ORC4: variants seen among roughly 807,000 people sequenced by gnomAD.
The protein encoded by ORC4 is origin recognition complex subunit 4.
Under a neutral mutation model 63.9 loss-of-function variants are expected in ORC4, and 55 were observed. That is an observed-to-expected ratio of 0.86 (90% CI 0.69 to 1.08). ORC4 has a LOEUF of 1.08. Ranked by LOEUF, ORC4 falls within the 50% of genes least tolerant of loss-of-function variation. ORC4 has a pLI of 0.00. For missense variants in ORC4, 511 were observed against 504.4 expected (o/e 1.01, Z -0.13); for synonymous variants, 150 against 168.5 (o/e 0.89, Z 0.85).
chr2:147,977,008 T>G (rs1457075752), intron 1 of ORC4, among the ~76,000 whole-genome samples: 1 of 152,196 alleles, frequency 6.6e-6, no homozygotes, highest in Non-Finnish European at 1.5e-5. Flanking sequence ...GGAATAAATT[T>G]TAACAGATAG....
intron 1 of ORC4, among the ~76,000 whole-genome samples, chr2:147,983,339 T>C: frequency 6.6e-6 from 1 of 152,324 alleles, no homozygotes; most frequent in East Asian, 1.9e-4. Flanking sequence ...ATGGGGTTAA[T>C]GAATTAGTTC....
At chr2:147,992,968 TG>T (rs1208414109) in intron 1 of ORC4, among the ~76,000 whole-genome samples, 1 of 152,212 alleles carries the variant, frequency 6.6e-6, no homozygotes, top group Non-Finnish European at 1.5e-5. Context: ...CTATTCTGTT[TG>T]ATTGTAGGTC....
chr2:148,012,314 A>G (rs1024886977), intron 1 of ORC4, among the ~76,000 whole-genome samples: 1 of 152,206 alleles, frequency 6.6e-6, no homozygotes, highest in African/African-American at 2.4e-5. Flanking sequence ...AAAGCCAATT[A>G]GTTTTTTACT....
chr2:147,944,797 A>G (rs2105276486), intron 9 of ORC4, among the ~76,000 whole-genome samples: 1 of 152,052 alleles, frequency 6.6e-6, no homozygotes, highest in South Asian at 2.1e-4. Context: ...CAGATTCAGA[A>G]GTAAGTTCTA....
chr2:148,001,209 T>C (rs956993842), intron 1 of ORC4, among the ~76,000 whole-genome samples: 3 of 152,136 alleles, frequency 2.0e-5, no homozygotes, highest in Non-Finnish European at 2.9e-5. Flanking sequence ...AAGTAAGAAC[T>C]GTTTTTAATC....
At chr2:147,951,288 T>TG (rs1206177247) in intron 8 of ORC4, among the ~76,000 whole-genome samples, 2 of 152,152 alleles carry the variant, frequency 1.3e-5, no homozygotes, top group African/African-American at 4.8e-5. Context: ...AAGAAAGCTA[T>TG]GGAGGCATGG....
chr2:147,953,227 C>A (rs1035425403), intron 7 of ORC4, among the ~76,000 whole-genome samples: 1 of 151,408 alleles, frequency 6.6e-6, no homozygotes, highest in Non-Finnish European at 1.5e-5. Context: ...ATCTCTTGAA[C>A]TGCGGAGGCA....
intron 1 of ORC4, among the ~76,000 whole-genome samples, chr2:148,001,198 GAAGT>G (rs1692281778): frequency 1.3e-5 from 2 of 152,090 alleles, no homozygotes; most frequent in African/African-American, 2.4e-5. Flanking sequence ...CTGTGACAAA[GAAGT>G]AAGAACTGTT....
chr2:148,020,599 CA>C (rs1463285547), intron 1 of ORC4, 33 bp downstream of exon 1: 2 of 152,376 alleles, frequency 1.3e-5, no homozygotes, highest in Non-Finnish European at 2.9e-5. Flanking sequence ...AGTTTACCCC[CA>C]CCATTACCTC....
intron 1 of ORC4, among the ~76,000 whole-genome samples, chr2:147,995,119 T>C (rs1420196078): frequency 6.6e-6 from 1 of 151,052 alleles, no homozygotes; most frequent in Non-Finnish European, 1.5e-5. Flanking sequence ...TCTAAAGGAC[T>C]GTAAATGCAC....
At chr2:147,950,233 T>G (rs1688876814) in intron 8 of ORC4, among the ~76,000 whole-genome samples, 2 of 152,124 alleles carry the variant, frequency 1.3e-5, no homozygotes, top group South Asian at 4.1e-4. Context: ...TAATAATCTA[T>G]ACAAGCAACA....
chr2:147,945,829 G>C (rs1048328910), intron 9 of ORC4, among the ~76,000 whole-genome samples: 2 of 152,022 alleles, frequency 1.3e-5, no homozygotes, highest in Non-Finnish European at 2.9e-5. Context: ...CCTTAATGCA[G>C]CTACCACCCT....
At chr2:147,972,694 A>G (rs1357897489) in intron 4 of ORC4, 45 bp downstream of exon 4, 1 of 1,035,996 alleles carries the variant, frequency 9.7e-7, no homozygotes. Context: ...ATATAAAATA[A>G]GAATCATCAC....
chr2:147,955,343 T>C lies in ORC4; in HGVS notation c.436+4A>G. On this transcript the variant is annotated splice_donor_region_variant and intron_variant, in intron 7 of 13. Coordinates refer to ENST00000392857, the MANE Select transcript of ORC4 (RefSeq NM_181741.4). Reference sequence around the variant, plus strand: ...CTGAAACGGCTGAATATGTTAATATTTACCTTTTTTTAAAGCTTCCAGAAG... The same window carrying C: ...CTGAAACGGCTGAATATGTTAATATCTACCTTTTTTTAAAGCTTCCAGAAG... 1.3e-6 allele frequency: 2 copies of C among 1,587,774 alleles called. No homozygotes were observed. Among genetic ancestry groups the C allele is most frequent in the South Asian group, 2.2e-5 (2 of 89,936 alleles).
intron 1 of ORC4, among the ~76,000 whole-genome samples, chr2:148,004,964 T>C (rs1384778691): frequency 6.6e-6 from 1 of 152,154 alleles, no homozygotes; most frequent in African/African-American, 2.4e-5. Flanking sequence ...GGTGGGAACA[T>C]AAATTAGTTA....
At chr2:147,948,262 T>C in intron 8 of ORC4, 38 bp from the exon 9 acceptor site, 2 of 1,474,710 alleles carry the variant, frequency 1.4e-6, no homozygotes, top group Non-Finnish European at 1.9e-6. Context: ...GGAAGATGAA[T>C]GTTTTTAAAA....
chr2:147,956,347 G>A (rs1689251124), intron 6 of ORC4, among the ~76,000 whole-genome samples: 1 of 152,070 alleles, frequency 6.6e-6, no homozygotes, highest in Admixed American at 6.6e-5. Flanking sequence ...GAGACAATCT[G>A]TTGGGAAATC....
At chr2:147,939,387 G>A (rs1455491500) in intron 10 of ORC4, 139 bp from the exon 11 acceptor site, 7 of 659,352 alleles carry the variant, frequency 1.1e-5, no homozygotes, top group African/African-American at 3.6e-5. Flanking sequence ...CTCAAATTCA[G>A]TTGTATTAAA....
rs1402363937 is a variant in ORC4, at chr2:147,971,006, G to T, written c.225+1733C>A. ...AAAAAAATTAGCCAGGTGTGATGGTGCATGCTTGCAGTCCCATGTACTCAG... is the reference window on the plus strand; with the variant it reads ...AAAAAAATTAGCCAGGTGTGATGGTTCATGCTTGCAGTCCCATGTACTCAG... On this transcript the variant is annotated intron_variant, in intron 4 of 13. Coordinates refer to ENST00000392857, the MANE Select transcript of ORC4 (RefSeq NM_181741.4). Among the ~76,000 whole-genome samples, 3 of 151,954 alleles carry T rather than the reference G, an allele frequency of 2.0e-5. No homozygotes were observed. In the East Asian group the frequency reaches 5.8e-4, roughly 29 times the overall value.
Sources: gnomAD v4.1 joint callset for allele counts (sites outside exome capture counted in the v4.1 genomes callset) on GRCh38, gnomAD v4.1.1 for gene constraint, MANE v1.5 for transcripts, NCBI Gene and HGNC (gene_info 2026-07-23, HGNC 2026-07-21) for gene names.